The following CMTM8 variants were observed in gnomAD, a reference collection of about 807,000 sequenced individuals.
The protein encoded by CMTM8 is CKLF like MARVEL transmembrane domain containing 8.
Under a neutral mutation model 18.6 loss-of-function variants are expected in CMTM8, and 12 were observed. The ratio of observed to expected loss-of-function variants is 0.65; its 90% CI spans 0.41 to 1.05. The LOEUF is 1.05. CMTM8 is among the 50% of genes least tolerant of loss of function. The pLI, the probability that CMTM8 is intolerant of heterozygous loss-of-function variation, is 0.00. For synonymous variants in CMTM8, 87 were observed against 90.6 expected (o/e 0.96, Z 0.23); for missense variants, 217 against 227.2 (o/e 0.95, Z 0.29).
At chr3:32,298,308 G>A (rs1157419603) in intron 1 of CMTM8, among the ~76,000 whole-genome samples, 1 of 152,034 alleles carries the variant, frequency 6.6e-6, no homozygotes, top group African/African-American at 2.4e-5. Flanking sequence ...CTGATCTCAA[G>A]CAATCCACCC....
At chr3:32,329,054 A>G (rs893722333) in intron 1 of CMTM8, among the ~76,000 whole-genome samples, 2 of 152,156 alleles carry the variant, frequency 1.3e-5, no homozygotes, top group African/African-American at 4.8e-5. Flanking sequence ...CTACAAACCA[A>G]TATCAATATT....
intron 1 of CMTM8, among the ~76,000 whole-genome samples, chr3:32,269,966 G>A (rs1230069385): frequency 1.3e-5 from 2 of 151,654 alleles, no homozygotes; most frequent in African/African-American, 4.8e-5. Context: ...TGAGACGGGG[G>A]TCTCACTATG....
intron 1 of CMTM8, among the ~76,000 whole-genome samples, chr3:32,319,855 G>A (rs1696008221): frequency 6.6e-6 from 1 of 152,222 alleles, no homozygotes; most frequent in Admixed American, 6.5e-5. Flanking sequence ...GTATTGGTTT[G>A]TCAGCTCATG....
rs73069437 is a variant in CMTM8 at position 32,332,113 on chromosome 3, A to T, written c.148-25260A>T. On this transcript the variant is annotated intron_variant, in intron 1 of 3. Transcript: ENST00000307526. ...AACACCTTAATTGTGAGGCAACTGT[A>T]AAATAAATGAGAATTCAAGCAAATT... Among the ~76,000 whole-genome samples, 292 of 152,332 alleles carry T rather than the reference A, an allele frequency of 1.9e-3. 1 individual carries two copies. The highest frequency in any genetic ancestry group is 3.1e-3 in the Non-Finnish European group (213 of 68,032).
intron 1 of CMTM8, among the ~76,000 whole-genome samples, chr3:32,307,285 G>A (rs957193245): frequency 2.0e-5 from 3 of 152,174 alleles, no homozygotes; most frequent in Admixed American, 1.3e-4. Context: ...GGTTTTCAGT[G>A]AGCTGAGATC....
intron 1 of CMTM8, among the ~76,000 whole-genome samples, chr3:32,330,196 C>CTTTT (rs1559381415): frequency 9.0e-5 from 7 of 77,630 alleles, no homozygotes; most frequent in African/African-American, 3.4e-4. Context: ...ATCCCAGTGG[C>CTTTT]ATTTTTTTTT....
chr3:32,366,969 G>A (rs1386917388), intron 2 of CMTM8, among the ~76,000 whole-genome samples: 1 of 152,154 alleles, frequency 6.6e-6, no homozygotes, highest in East Asian at 1.9e-4. Flanking sequence ...ACAAGGCCAG[G>A]GCCTGCAGTG....
chr3:32,326,908 T>G (rs985442256), intron 1 of CMTM8, among the ~76,000 whole-genome samples: 4 of 152,152 alleles, frequency 2.6e-5, no homozygotes, highest in Non-Finnish European at 5.9e-5. Context: ...TCTCAACATG[T>G]CTTGATGGGA....
chr3:32,335,363 T>C (rs1475287929), intron 1 of CMTM8, among the ~76,000 whole-genome samples: 4 of 152,196 alleles, frequency 2.6e-5, no homozygotes, highest in Non-Finnish European at 4.4e-5. Flanking sequence ...CTGTGGCGTG[T>C]TGGAGTCAGG....
chr3:32,328,639 TAAC>T (rs1696213072), intron 1 of CMTM8, among the ~76,000 whole-genome samples: 1 of 146,550 alleles, frequency 6.8e-6, no homozygotes. Context: ...AAAACAAAAA[TAAC>T]AACTATCAGA....
At chr3:32,269,629 G>A (rs1702405702) in intron 1 of CMTM8, among the ~76,000 whole-genome samples, 2 of 152,132 alleles carry the variant, frequency 1.3e-5, no homozygotes. Context: ...CCCAAGGTAT[G>A]AAAAAGGTCA....
chr3:32,272,910 A>C (rs913016218), intron 1 of CMTM8, among the ~76,000 whole-genome samples: 21 of 152,028 alleles, frequency 1.4e-4, no homozygotes, highest in African/African-American at 5.1e-4. Flanking sequence ...GTCTCCCACC[A>C]CCCTGTACCT....
intron 1 of CMTM8, among the ~76,000 whole-genome samples, chr3:32,351,805 A>C (rs560454597): frequency 6.6e-6 from 1 of 152,186 alleles, no homozygotes; most frequent in African/African-American, 2.4e-5. Context: ...TATTTGCCAC[A>C]TATATAGTTG....
intron 1 of CMTM8, among the ~76,000 whole-genome samples, chr3:32,293,588 G>A (rs778111251): frequency 2.0e-5 from 3 of 152,134 alleles, no homozygotes; most frequent in Admixed American, 1.3e-4. Flanking sequence ...ACTCACATCT[G>A]TAATCCCAGC....
At chr3:32,337,049 A>G (rs537575575) in intron 1 of CMTM8, among the ~76,000 whole-genome samples, 1 of 152,188 alleles carries the variant, frequency 6.6e-6, no homozygotes, top group Admixed American at 6.5e-5. Flanking sequence ...AGCCAGACTG[A>G]CTTTTAAAAC....
At chr3:32,343,849 G>T (rs1300216254) in intron 1 of CMTM8, among the ~76,000 whole-genome samples, 1 of 152,160 alleles carries the variant, frequency 6.6e-6, no homozygotes, top group Non-Finnish European at 1.5e-5. Flanking sequence ...ACAAGCATGT[G>T]CCACCACGCC....
At chr3:32,239,163 C>T (rs761512671) in intron 1 of CMTM8, 44 bp downstream of exon 1, 95 of 1,552,092 alleles carry the variant, frequency 6.1e-5, no homozygotes, top group Non-Finnish European at 7.6e-5. Flanking sequence ...TCAGCTGGAC[C>T]CCGGCGCGTG....
At chr3:32,314,125 A>G (rs1270185760) in intron 1 of CMTM8, among the ~76,000 whole-genome samples, 1 of 152,234 alleles carries the variant, frequency 6.6e-6, no homozygotes, top group Non-Finnish European at 1.5e-5. Flanking sequence ...AGGCTAGTAC[A>G]GCTGCAGTAG....
intron 1 of CMTM8, among the ~76,000 whole-genome samples, chr3:32,313,502 G>A (rs532111316): frequency 1.3e-5 from 2 of 152,192 alleles, no homozygotes; most frequent in Non-Finnish European, 1.5e-5. Flanking sequence ...AAGGGGTTAT[G>A]CCATGTTGCC....
Sources: gnomAD v4.1 joint callset for allele counts (sites outside exome capture counted in the v4.1 genomes callset) on GRCh38, gnomAD v4.1.1 for gene constraint, MANE v1.5 for transcripts, NCBI Gene and HGNC (gene_info 2026-07-23, HGNC 2026-07-21) for gene names.